The following CSN1S1 variants were observed in gnomAD, a reference collection of about 807,000 sequenced individuals.
CSN1S1 encodes the protein alpha-S1-casein.
A neutral mutation model predicts 49.1 loss-of-function variants in CSN1S1; 63 were observed. The ratio of observed to expected loss-of-function variants is 1.28; its 90% CI spans 1.05 to 1.58. The LOEUF (loss-of-function observed/expected upper bound fraction) is 1.58, where lower values mean the gene tolerates loss of function less well. Among genes scored for constraint, CSN1S1 ranks in the 40% most tolerant of loss-of-function variants. The probability of loss-of-function intolerance (pLI) is 0.00; values close to 1 mark genes in which losing one functional copy is unlikely to be tolerated. For missense variants in CSN1S1, 260 were observed against 224.7 expected (o/e 1.16, Z -1.01); for synonymous variants, 78 against 67.1 (o/e 1.16, Z -0.79).
intron 2 of CSN1S1, among the ~76,000 whole-genome samples, chr4:69,933,102 G>A (rs1245396908): frequency 1.3e-5 from 2 of 151,530 alleles, no homozygotes; most frequent in South Asian, 2.1e-4. Context: ...CCCAAGAAGG[G>A]ATAGAAAACT....
intron 10 of CSN1S1, among the ~76,000 whole-genome samples, 191 bp downstream of exon 10, chr4:69,939,399 A>G (rs1722904340): frequency 6.6e-6 from 1 of 151,768 alleles, no homozygotes; most frequent in Non-Finnish European, 1.5e-5. Context: ...AGACAAATTG[A>G]CAAAATTATT....
In CSN1S1 at chr4:69,941,074, C is replaced by A. The variant is rs1174076923; in HGVS notation, c.342+14C>A. 12 of 1,338,110 alleles carry A rather than the reference C, an allele frequency of 9.0e-6. No individual in the cohort carries two copies. Among genetic ancestry groups the A allele is most frequent in the African/African-American group, 1.5e-5 (1 of 66,676 alleles). The allele number at this position is 1,338,110 out of a possible 1,614,324, so 82.9% of individuals were successfully genotyped here. On this transcript the variant is annotated intron_variant, in intron 12 of 15. Transcript: ENST00000246891. ...CAACTTCAGCTGGTAATATTTTATTCATTATAATACAAAATCATATTCTAC... is the reference window on the plus strand; with the variant it reads ...CAACTTCAGCTGGTAATATTTTATTAATTATAATACAAAATCATATTCTAC...
rs752892325 is a variant in CSN1S1, at chr4:69,937,151, C to A, written c.219+7C>A. 2.0e-6 allele frequency: 3 copies of A among 1,527,788 alleles called. No homozygotes were observed. Among genetic ancestry groups the A allele is most frequent in the Admixed American group, 2.1e-5 (1 of 47,538 alleles). 94.6% of individuals were successfully genotyped at this position (1,527,788 alleles called of 1,614,324 possible). On this transcript the variant is annotated splice_region_variant and intron_variant, in intron 8 of 15. Coordinates refer to ENST00000246891, the MANE Select transcript of CSN1S1 (RefSeq NM_001890.2). Reference sequence around the variant, plus strand: ...TAGGAATGAGTCTACTCAGGTGAGACCCTTTGTTTTAAAATTATTAAACCA... The same window carrying A: ...TAGGAATGAGTCTACTCAGGTGAGAACCTTTGTTTTAAAATTATTAAACCA...
At chr4:69,944,788 T>C in intron 14 of CSN1S1, 62 bp from the exon 15 acceptor site, 5 of 1,531,254 alleles carry the variant, frequency 3.3e-6, no homozygotes, top group Non-Finnish European at 4.5e-6. Context: ...ATTGATATTT[T>C]TCAGGGACTG....
intron 2 of CSN1S1, among the ~76,000 whole-genome samples, chr4:69,933,863 T>C (rs1446987195): frequency 1.3e-5 from 2 of 152,034 alleles, no homozygotes; most frequent in Non-Finnish European, 2.9e-5. Context: ...AACTATGGTG[T>C]AATATATATA....
At chr4:69,935,758 A>G (rs1414479471) in intron 4 of CSN1S1, among the ~76,000 whole-genome samples, 168 bp from the exon 5 acceptor site, 1 of 152,086 alleles carries the variant, frequency 6.6e-6, no homozygotes, top group Non-Finnish European at 1.5e-5. Context: ...CACTCCTTAT[A>G]ATAGAATGCT....
At chr4:69,936,868 G>T (rs912479122) in intron 7 of CSN1S1, among the ~76,000 whole-genome samples, 5 of 151,890 alleles carry the variant, frequency 3.3e-5, no homozygotes, top group African/African-American at 1.2e-4. Context: ...ATGCAATTAT[G>T]TATTCACATT....
At chr4:69,942,298 T>C (rs1722995339) in intron 13 of CSN1S1, among the ~76,000 whole-genome samples, 1 of 151,918 alleles carries the variant, frequency 6.6e-6, no homozygotes, top group Admixed American at 6.6e-5. Context: ...TTCCTCAGAG[T>C]ATGAACCTTA....
chr4:69,946,069 C>A, intron 15 of CSN1S1, 127 bp from the exon 16 acceptor site: 1 of 337,690 alleles, frequency 3.0e-6, no homozygotes, highest in Non-Finnish European at 5.8e-6. Flanking sequence ...AACAGGAAAG[C>A]ATAAATAACA....
intron 14 of CSN1S1, among the ~76,000 whole-genome samples, chr4:69,943,420 A>C (rs547590301): frequency 1.3e-5 from 2 of 151,974 alleles, no homozygotes; most frequent in African/African-American, 4.8e-5. Flanking sequence ...CCTGACCTCA[A>C]GTGATCCACT....
chr4:69,935,395 A>C (rs970644664), intron 4 of CSN1S1, among the ~76,000 whole-genome samples: 1 of 151,904 alleles, frequency 6.6e-6, no homozygotes, highest in Non-Finnish European at 1.5e-5. Context: ...TTTGAAAAAA[A>C]AAAAAATAGT....
chr4:69,939,288 C>A, intron 10 of CSN1S1, 80 bp downstream of exon 10: 1 of 1,011,652 alleles, frequency 9.9e-7, no homozygotes, highest in Non-Finnish European at 1.5e-6. Context: ...ATTACATATC[C>A]CTTAAGGTCT....
At chr4:69,942,233 A>T (rs1366558786) in intron 13 of CSN1S1, among the ~76,000 whole-genome samples, 170 bp downstream of exon 13, 1 of 151,974 alleles carries the variant, frequency 6.6e-6, no homozygotes, top group Non-Finnish European at 1.5e-5. Flanking sequence ...AATAATTAAT[A>T]AATAGCCATA....
chr4:69,943,973 A>G (rs1468037775), intron 14 of CSN1S1, among the ~76,000 whole-genome samples: 1 of 151,876 alleles, frequency 6.6e-6, no homozygotes. Context: ...AACACATTCA[A>G]ATCATAGACA....
At chr4:69,938,449 C>G (rs1340441410) in intron 9 of CSN1S1, among the ~76,000 whole-genome samples, 1 of 107,968 alleles carries the variant, frequency 9.3e-6, no homozygotes, top group African/African-American at 2.9e-5. Context: ...ACGCCCCTCT[C>G]CCTCTCCTTG....
At chr4:69,936,686 A>G in intron 7 of CSN1S1, 79 bp downstream of exon 7, 1 of 1,348,420 alleles carries the variant, frequency 7.4e-7, no homozygotes, top group Non-Finnish European at 1.0e-6. Context: ...TTAGGAAAAA[A>G]AAGCATTTTT....
chr4:69,936,066 T>A, intron 5 of CSN1S1, 117 bp downstream of exon 5: 1 of 775,414 alleles, frequency 1.3e-6, no homozygotes, highest in Non-Finnish European at 2.1e-6. Context: ...CAAATTTGAG[T>A]GGAACAAACT....
In CSN1S1 at chr4:69,934,411, C is replaced by T. The variant is rs10024477; in HGVS notation, c.84+167C>T. Among the ~76,000 whole-genome samples, 371 of 152,092 alleles carry T rather than the reference C, an allele frequency of 2.4e-3. 2 individuals carry two copies. Among genetic ancestry groups the T allele is most frequent in the African/African-American group, 7.8e-3 (325 of 41,518 alleles). On this transcript the variant is annotated intron_variant, in intron 3 of 15. Transcript: ENST00000246891. Reference sequence around the variant, plus strand: ...ATTTGCTCTCACAAAACTTAGAGGACGGCACACTGACTTAGATAAACATTT... The same window carrying T: ...ATTTGCTCTCACAAAACTTAGAGGATGGCACACTGACTTAGATAAACATTT...
At chr4:69,938,335 A>G (rs2109719796) in intron 9 of CSN1S1, among the ~76,000 whole-genome samples, 2 of 151,916 alleles carry the variant, frequency 1.3e-5, no homozygotes, top group South Asian at 4.1e-4. Flanking sequence ...ACCATTAAAA[A>G]TAATGGCAAT....
Sources: allele counts gnomAD v4.1 joint callset (sites outside exome capture counted in the v4.1 genomes callset), GRCh38; gene constraint gnomAD v4.1.1; transcripts MANE v1.5; gene names NCBI Gene and HGNC (gene_info 2026-07-23, HGNC 2026-07-21).